Variants in GSE1 observed in about 807,000 individuals in gnomAD.
GSE1 encodes genetic suppressor element 1.
GSE1 carries 32 observed loss-of-function variants against 112.6 expected under a neutral mutation model. The observed-to-expected ratio is 0.28, with a 90% CI of 0.21 to 0.38. GSE1 has a LOEUF of 0.38. Ranked by LOEUF, GSE1 falls within the 10% of genes least tolerant of loss-of-function variation. GSE1 has a pLI of 1.00. For missense variants in GSE1, 2,348 were observed against 1,699.2 expected, an observed-to-expected ratio of 1.38 and a Z score of -6.71; for synonymous variants, 1,115 against 735.6, an observed-to-expected ratio of 1.52 and a Z score of -8.35.
Position 85,661,297 on chromosome 16 carries a change from C to T in GSE1, c.1792C>T (p.Arg598Trp), listed in dbSNP as rs150474400. 8 of 1,612,822 alleles carry T rather than the reference C, an allele frequency of 5.0e-6. No individual in the cohort carries two copies. The highest frequency in any genetic ancestry group is 6.8e-6 in the Non-Finnish European group (8 of 1,179,956). ...CCTGATGGACAACACCTTGGAGACG[C>T]GGCGGGCCGAAAGCCACTCTCTGCA... is the stretch of plus-strand genomic sequence containing the variant. The part of the protein sequence containing the change: ...VSLMDNTLET[R>W]RAESHSLHSH... Residue 598 changes from arginine to tryptophan, a missense_variant, in exon 9 of 16, where the codon CGG (arginine) becomes TGG (tryptophan). Transcript: ENST00000253458.
intron 3 of GSE1, among the ~76,000 whole-genome samples, chr16:85,652,913 C>T (rs1423218372): frequency 1.3e-5 from 2 of 151,888 alleles, no homozygotes; most frequent in Admixed American, 6.5e-5. Flanking sequence ...GGAGCACTGC[C>T]CGCTGATCAG....
intron 1 of GSE1, among the ~76,000 whole-genome samples, chr16:85,272,220 C>T (rs1303709493): frequency 6.6e-6 from 1 of 152,234 alleles, no homozygotes; most frequent in Admixed American, 6.5e-5. Flanking sequence ...CACTTCCTAG[C>T]GTGGAGCGGA....
chr16:85,478,031 C>A (rs969762967), intron 2 of GSE1, among the ~76,000 whole-genome samples: 1 of 152,210 alleles, frequency 6.6e-6, no homozygotes, highest in Non-Finnish European at 1.5e-5. Flanking sequence ...CCGCGCTCCT[C>A]ATTTCTGCAC....
chr16:85,638,657 C>T (rs1212843852), intron 2 of GSE1, among the ~76,000 whole-genome samples: 2 of 146,932 alleles, frequency 1.4e-5, no homozygotes, highest in Non-Finnish European at 3.0e-5. Flanking sequence ...CCACCCCCGC[C>T]TCCCCTTCCC....
At chr16:85,372,846 G>A (rs1348551090) in intron 2 of GSE1, among the ~76,000 whole-genome samples, 1 of 152,184 alleles carries the variant, frequency 6.6e-6, no homozygotes, top group Non-Finnish European at 1.5e-5. Context: ...AGGTGGGCAG[G>A]CTCCTCCCCC....
intron 15 of GSE1, chr16:85,671,978 C>G (rs1458248675): frequency 5.2e-6 from 1 of 191,044 alleles, no homozygotes; most frequent in African/African-American, 2.4e-5. Flanking sequence ...GAGCCAGGGA[C>G]AGAACACAGG....
chr16:85,413,805 C>T (rs1445616106), intron 2 of GSE1, among the ~76,000 whole-genome samples: 1 of 152,182 alleles, frequency 6.6e-6, no homozygotes, highest in Non-Finnish European at 1.5e-5. Flanking sequence ...TAATCCCCAG[C>T]TGTTGAGAGA....
chr16:85,238,730 C>T lies in GSE1; in HGVS notation c.2283+66923C>T, dbSNP rs1904926170. 2.0e-5 allele frequency among the ~76,000 whole-genome samples: 3 copies of T among 152,126 alleles called. No individual in the cohort carries two copies. The East Asian group carries it at 5.8e-4, about 29-fold the overall frequency. On this transcript the variant is annotated intron_variant, in intron 1 of 2. Transcript: ENST00000637419. ...GGCGCTCAGCAGGGTGGGGGACCATCAGTCAGGGTGGGGGACCCTCAGTCA... is the reference window on the plus strand; with the variant it reads ...GGCGCTCAGCAGGGTGGGGGACCATTAGTCAGGGTGGGGGACCCTCAGTCA...
chr16:85,581,333 G>A (rs923844538), intron 1 of GSE1, among the ~76,000 whole-genome samples: 4 of 152,192 alleles, frequency 2.6e-5, no homozygotes, highest in Non-Finnish European at 5.9e-5. Context: ...CAGGGGGATG[G>A]GACCTTGATG....
chr16:85,408,837 T>C (rs2048396217), intron 2 of GSE1, among the ~76,000 whole-genome samples: 1 of 55,798 alleles, frequency 1.8e-5, no homozygotes, highest in Non-Finnish European at 3.6e-5. Flanking sequence ...TCCTCACTGT[T>C]ACACTCAGGC....
rs185969669 is a variant in GSE1 at position 85,352,699 on chromosome 16, C to A, written c.2284-4764C>A. 3.0e-4 allele frequency among the ~76,000 whole-genome samples: 45 copies of A among 152,306 alleles called. No individual in the cohort carries two copies. In the East Asian group the frequency reaches 8.1e-3, roughly 27 times the overall value. On this transcript the variant is annotated intron_variant, in intron 1 of 2. Coordinates refer to the GSE1 transcript ENST00000637419. Reference sequence around the variant, plus strand: ...CCTGGCTGAGAACTTTTGTCTCCACCTTCAAGATGGTGCTGAGCAGGAGAT... The same window carrying A: ...CCTGGCTGAGAACTTTTGTCTCCACATTCAAGATGGTGCTGAGCAGGAGAT...
chr16:85,599,840 C>A (rs1370146604), intron 1 of GSE1, among the ~76,000 whole-genome samples: 1 of 152,168 alleles, frequency 6.6e-6, no homozygotes, highest in Non-Finnish European at 1.5e-5. Flanking sequence ...TTAGAGGCTG[C>A]AGTGAGCTAT....
chr16:85,478,765 T>C (rs1038599295), intron 2 of GSE1, among the ~76,000 whole-genome samples: 1 of 150,564 alleles, frequency 6.6e-6, no homozygotes, highest in South Asian at 2.1e-4. Context: ...CCTCCCAAGT[T>C]CAAGTTATTA....
chr16:85,400,248 GTTGTGT>G (rs760895206), intron 2 of GSE1, among the ~76,000 whole-genome samples: 2 of 78,056 alleles, frequency 2.6e-5, no homozygotes, highest in African/African-American at 8.7e-5. Context: ...GAAGTGTAGG[GTTGTGT>G]GTGTGTGTGT....
rs191913963 is a variant in GSE1 at position 85,635,744 on chromosome 16, T to C, written c.226+1612T>C. On this transcript the variant is annotated intron_variant, in intron 2 of 15. Coordinates refer to ENST00000253458, the MANE Select transcript of GSE1 (RefSeq NM_014615.5). The stretch of plus-strand genomic sequence containing the variant: ...GGCGCTGGTGCTACCTGGGCTGGGT[T>C]ATCCTTGCATCCTGCTTTCATCCAG... Among the ~76,000 whole-genome samples, 31 of 152,352 alleles carry C rather than the reference T, an allele frequency of 2.0e-4. No homozygotes were observed. In the East Asian group the frequency reaches 4.8e-3, roughly 24 times the overall value.
At chr16:85,339,320 C>G (rs1342213187) in intron 1 of GSE1, among the ~76,000 whole-genome samples, 4 of 152,178 alleles carry the variant, frequency 2.6e-5, no homozygotes, top group Non-Finnish European at 5.9e-5. Context: ...GTGGAAGGGG[C>G]ACATTTGTCT....
At chr16:85,636,170 C>T (rs748133539) in intron 2 of GSE1, among the ~76,000 whole-genome samples, 1 of 152,192 alleles carries the variant, frequency 6.6e-6, no homozygotes, top group Non-Finnish European at 1.5e-5. Context: ...TGGTGGATGC[C>T]CCCCAGGAAA....
rs546215230 is a variant in GSE1, at chr16:85,373,907, C to T, written c.2464+16264C>T. Among the ~76,000 whole-genome samples the T allele has an allele frequency of 2.6e-5, 4 of 152,296 alleles. No individual in the cohort carries two copies. The highest frequency in any genetic ancestry group is 4.1e-4 in the South Asian group (2 of 4,832). On this transcript the variant is annotated intron_variant, in intron 2 of 2. Transcript: ENST00000637419. This position sits in a 1 kb window ranked among gnomAD's most constrained non-coding sequence, Gnocchi z 5.1. ...GAGCGGCAGCCTCCAGGCACCCGCC[C>T]GGCCTCCCTCCCCGCTCCCCGCAGG...
chr16:85,600,042 C>G (rs1185287738), intron 1 of GSE1, among the ~76,000 whole-genome samples: 1 of 152,232 alleles, frequency 6.6e-6, no homozygotes, highest in Admixed American at 6.5e-5. Context: ...CTGGCTACCC[C>G]TCTGGGTCTC....
Sources: gnomAD v4.1 joint callset for allele counts (sites outside exome capture counted in the v4.1 genomes callset) on GRCh38, gnomAD v4.1.1 for gene constraint, Gnocchi (gnomAD v3.1) non-coding constraint, MANE v1.5 for transcripts, NCBI Gene and HGNC (gene_info 2026-07-23, HGNC 2026-07-21) for gene names.